FLACC1: variants seen among roughly 807,000 people sequenced by gnomAD.
The protein encoded by FLACC1 is flagellum-associated coiled-coil domain-containing protein 1.
In FLACC1, 66 loss-of-function variants were observed where a neutral mutation model predicts 62.8. The observed-to-expected ratio is 1.05, with a 90% CI of 0.86 to 1.29. The LOEUF (loss-of-function observed/expected upper bound fraction) is 1.29, where lower values mean the gene tolerates loss of function less well. FLACC1 is among the 50% of genes most tolerant of loss of function. The probability of loss-of-function intolerance (pLI) is 0.00; values close to 1 mark genes in which losing one functional copy is unlikely to be tolerated. For missense variants in FLACC1, 452 were observed against 489.1 expected, an observed-to-expected ratio of 0.92 and a Z score of 0.71; for synonymous variants, 156 against 161.0, an observed-to-expected ratio of 0.97 and a Z score of 0.24.
At chr2:201,293,325 TC>T (rs765698583) in intron 12 of FLACC1, among the ~76,000 whole-genome samples, 5 of 152,188 alleles carry the variant, frequency 3.3e-5, no homozygotes, top group African/African-American at 4.8e-5. Flanking sequence ...AAACCGTCTC[TC>T]AGACCACAGT....
rs1279142707 is a variant in FLACC1 at position 201,303,313 on chromosome 2, TAAAC to T, written c.880-4017_880-4014del. ...AATACTATAAACAACTCTATGCAAA[TAAAC>T]TAGAAAATCTAGAAGAAATGGATAA... is the stretch of plus-strand genomic sequence containing the variant. On this transcript the variant is annotated intron_variant, in intron 11 of 14. Transcript: ENST00000392257. Among the ~76,000 whole-genome samples the T allele has an allele frequency of 4.6e-5, 7 of 151,846 alleles. No individual in the cohort carries two copies. The East Asian group carries it at 1.4e-3, about 29-fold the overall frequency.
rs200864880 is a variant in FLACC1 at position 201,299,244 on chromosome 2, G to C, written c.936C>G (p.Thr312=). The C allele has an allele frequency of 1.2e-6, 2 of 1,613,292 alleles. No individual in the cohort carries two copies. The highest frequency in any genetic ancestry group is 4.5e-5 in the East Asian group (2 of 44,760). The part of the protein sequence containing the change: ...DTLQLEELRK[T]KEVMQEELHA... Reference sequence around the variant, plus strand: ...AAAGGATGAAAAAGCTTACCTCTTTGGTTTTTCTCAGCTCTTCTAATTGCA... The same window carrying C: ...AAAGGATGAAAAAGCTTACCTCTTTCGTTTTTCTCAGCTCTTCTAATTGCA... The change falls in exon 12 of 15, where the codon ACC becomes ACG. Residue 312 remains threonine, a synonymous_variant. Coordinates refer to ENST00000392257, the MANE Select transcript of FLACC1 (RefSeq NM_001127391.3).
At chr2:201,345,484 GTA>G (rs60131031) in intron 5 of FLACC1, among the ~76,000 whole-genome samples, 2,742 of 145,042 alleles carry the variant, frequency 0.019, 81 homozygotes, top group African/African-American at 0.066. Flanking sequence ...GTGTGTGTGT[GTA>G]TGTGTGTGTG....
chr2:201,309,081 G>C, intron 10 of FLACC1, 70 bp downstream of exon 10: 1 of 1,386,342 alleles, frequency 7.2e-7, no homozygotes, highest in East Asian at 2.3e-5. Context: ...CCTTCCTCAA[G>C]TCAAGACCAA....
At chr2:201,311,830 T>C (rs1255464699) in intron 9 of FLACC1, among the ~76,000 whole-genome samples, 2 of 151,800 alleles carry the variant, frequency 1.3e-5, no homozygotes, top group Non-Finnish European at 2.9e-5. Flanking sequence ...AGAAAACCCA[T>C]ATGATCATCT....
chr2:201,350,720 A>G lies in FLACC1; in HGVS notation c.176T>C (p.Val59Ala), dbSNP rs753837238. 1.9e-6 allele frequency: 3 copies of G among 1,613,382 alleles called. No homozygotes were observed. Among genetic ancestry groups the G allele is most frequent in the South Asian group, 2.2e-5 (2 of 91,026 alleles). The change falls in exon 3 of 15, where the codon GTT becomes GCT. Residue 59 changes from valine (V) to alanine (A), a missense_variant. Val to Ala is a moderately conservative substitution (Grantham distance 64). Coordinates refer to ENST00000392257, the MANE Select transcript of FLACC1 (RefSeq NM_001127391.3). ...ACAAAACAATACTTACTTTGGGGAAACAACAGGTTTTGTTGGTTGGAGGTA... is the reference window on the plus strand; with the variant it reads ...ACAAAACAATACTTACTTTGGGGAAGCAACAGGTTTTGTTGGTTGGAGGTA... Reference protein sequence around the residue: ...HNYLQPTKPVVSPKMKIHSAR... With the variant: ...HNYLQPTKPVASPKMKIHSAR...
chr2:201,359,190 G>A (rs1317241960), upstream of FLACC1, among the ~76,000 whole-genome samples: 1 of 152,222 alleles, frequency 6.6e-6, no homozygotes, highest in Non-Finnish European at 1.5e-5. Context: ...TGGCTTTCCA[G>A]CTCGAGCAAT....
In FLACC1 at chr2:201,289,700, T is replaced by TTC. The variant is rs1466882572; in HGVS notation, c.1026_1027dup (p.Lys343ArgfsTer6). On this transcript the variant is annotated frameshift_variant, in exon 13 of 15. Transcript: ENST00000392257. LOFTEE classifies it high-confidence loss of function. ...CCCACTCCAGTAGGGACTCACCTCT[T>TTC]TCTGGAGTTCCAACTGGGTATAGTA... The TTC allele has an allele frequency of 3.1e-6, 5 of 1,613,696 alleles. No individual in the cohort carries two copies. The highest frequency in any genetic ancestry group is 4.2e-6 in the Non-Finnish European group (5 of 1,179,816).
At chr2:201,341,220 G>A (rs1225014352) in intron 7 of FLACC1, among the ~76,000 whole-genome samples, 2 of 152,004 alleles carry the variant, frequency 1.3e-5, no homozygotes, top group Non-Finnish European at 1.5e-5. Context: ...AAATGGCTAT[G>A]ACTCAACTAA....
intron 12 of FLACC1, among the ~76,000 whole-genome samples, chr2:201,290,312 G>A (rs990455086): frequency 6.6e-6 from 1 of 151,656 alleles, no homozygotes; most frequent in South Asian, 2.1e-4. Context: ...ATCCACATTG[G>A]CTCATCAATT....
At position 201,350,769 on chromosome 2, in the gene FLACC1, C is replaced by G. The variant is rs13014235; in HGVS notation, c.127G>C (p.Val43Leu). The G allele has an allele frequency of 0.62, 994,403 of 1,610,144 alleles. 310,708 individuals carry two copies. The highest frequency in any genetic ancestry group is 0.78 in the South Asian group (70,755 of 90,902). ...STGSSKLTPLVPAPKNHNYLQ... is the reference protein window; with the variant it reads ...STGSSKLTPLLPAPKNHNYLQ... ...TAATTGTGATTTTTTGGAGCTGGTA[C>G]AAGAGGAGTTAGCCTGAAAGTGAAA... Residue 43 changes from valine (V) to leucine (L), a missense_variant, in exon 3 of 15, where the codon GTA becomes CTA. By Grantham distance (32) the Val-to-Leu change is conservative. Coordinates refer to ENST00000392257, the MANE Select transcript of FLACC1 (RefSeq NM_001127391.3).
At chr2:201,339,531 G>T (rs1454261200) in intron 7 of FLACC1, among the ~76,000 whole-genome samples, 1 of 151,634 alleles carries the variant, frequency 6.6e-6, no homozygotes, top group African/African-American at 2.4e-5. Context: ...TTTGATGTAG[G>T]TGTTTATTGC....
chr2:201,335,967 A>G (rs1950687899), intron 7 of FLACC1, among the ~76,000 whole-genome samples: 4 of 152,104 alleles, frequency 2.6e-5, no homozygotes, highest in Admixed American at 2.6e-4. Context: ...TTTCTTTTTT[A>G]GATAGTATAT....
At chr2:201,318,938 CA>C (rs1471350741) in intron 9 of FLACC1, among the ~76,000 whole-genome samples, 2 of 151,614 alleles carry the variant, frequency 1.3e-5, no homozygotes, top group African/African-American at 4.8e-5. Flanking sequence ...TTTGGGGACT[CA>C]GGGGGAAAGA....
At chr2:201,311,391 C>T (rs568217050) in intron 9 of FLACC1, among the ~76,000 whole-genome samples, 3 of 152,006 alleles carry the variant, frequency 2.0e-5, no homozygotes, top group South Asian at 2.1e-4. Context: ...AAATGCTCAA[C>T]AAAATACTTG....
In FLACC1 at chr2:201,354,198, C is replaced by T. The variant is rs117408812; in HGVS notation, c.-47-2747G>A. On this transcript the variant is annotated intron_variant, in intron 1 of 14. Transcript: ENST00000392257. The stretch of plus-strand genomic sequence containing the variant: ...ATATGAGGATACTAAAACTCACTCA[C>T]TTGTAACTGCTGCTTTAACAGTACA... Among the ~76,000 whole-genome samples the T allele has an allele frequency of 7.9e-5, 12 of 152,336 alleles. No individual in the cohort carries two copies. In the East Asian group the frequency reaches 1.9e-3, roughly 24 times the overall value.
intron 9 of FLACC1, 100 bp from the exon 10 acceptor site, chr2:201,309,350 G>T (rs986434307): frequency 1.1e-5 from 9 of 856,930 alleles, no homozygotes; most frequent in Middle Eastern, 4.5e-4. Context: ...TCTTGGCATT[G>T]CACAGTGGCC....
intron 11 of FLACC1, among the ~76,000 whole-genome samples, chr2:201,305,354 C>T (rs1234507080): frequency 6.6e-6 from 1 of 152,186 alleles, no homozygotes; most frequent in Non-Finnish European, 1.5e-5. Flanking sequence ...CACTGGCCAT[C>T]AGAGAAATGC....
intron 9 of FLACC1, among the ~76,000 whole-genome samples, chr2:201,309,939 G>GAAATACCTAGT (rs1553611910): frequency 1.6e-4 from 21 of 129,372 alleles, no homozygotes; most frequent in Non-Finnish European, 3.2e-4. Context: ...AAGAAGAAAG[G>GAAATACCTAGT]AAATACCTAG....
Sources: allele counts gnomAD v4.1 joint callset (sites outside exome capture counted in the v4.1 genomes callset), GRCh38; gene constraint gnomAD v4.1.1; transcripts MANE v1.5; gene names NCBI Gene and HGNC (gene_info 2026-07-23, HGNC 2026-07-21).